ZBTB34: variants seen among roughly 807,000 people sequenced by gnomAD.
ZBTB34 encodes zinc finger and BTB domain containing 34, also known as zinc finger and BTB domain-containing protein 34.
A neutral mutation model predicts 33.4 loss-of-function variants in ZBTB34; 1 was observed. That is an observed-to-expected ratio of 0.03 (90% CI 0.01 to 0.14). ZBTB34 has a LOEUF of 0.14. ZBTB34 is among the 10% of genes least tolerant of loss of function. ZBTB34 has a pLI of 1.00. For missense variants in ZBTB34, 406 were observed against 657.2 expected (o/e 0.62, Z 4.18); for synonymous variants, 283 against 253.5 (o/e 1.12, Z -1.11).
At chr9:126,883,020 C>T (rs76698109) in exon 2 of ZBTB34, 2 of 166,870 alleles carry the variant, frequency 1.2e-5, no homozygotes, top group Non-Finnish European at 1.5e-5. Context: ...CCTTTTTCCT[C>T]GTCAAACTGC....
At chr9:126,867,270 A>C (rs1436312171) in intron 1 of ZBTB34, among the ~76,000 whole-genome samples, 1 of 151,894 alleles carries the variant, frequency 6.6e-6, no homozygotes, top group Non-Finnish European at 1.5e-5. Context: ...TGCCTTTTAC[A>C]TTTTGATAGA....
At chr9:126,882,938 C>T (rs917290094) in exon 2 of ZBTB34, 5 of 167,042 alleles carry the variant, frequency 3.0e-5, no homozygotes, top group African/African-American at 1.2e-4. Flanking sequence ...TCAGTGTTAA[C>T]TCCCTACAGA....
Position 126,880,846 on chromosome 9 carries a change from G to A in ZBTB34, c.1447G>A (p.Ala483Thr), listed in dbSNP as rs765061780. ...CGTGGAACAGAAACTAGAAAATGACGCATCGGCCTCAGAGATGGGCCTAGA... is the reference window on the plus strand; with the variant it reads ...CGTGGAACAGAAACTAGAAAATGACACATCGGCCTCAGAGATGGGCCTAGA... Residue 483 changes from alanine to threonine, a missense_variant, in exon 2 of 2, where the codon GCA becomes ACA. This residue lies in a region of ZBTB34 where 58 missense variants were observed against 58.7 expected (regional missense o/e 0.99). Coordinates refer to ENST00000319119, the Ensembl canonical transcript of ZBTB34. The surrounding 1 kb of genome is among the most constrained non-coding windows in gnomAD (Gnocchi z 6.7). 1.1e-5 allele frequency: 18 copies of A among 1,613,340 alleles called. No homozygotes were observed. The highest frequency in any genetic ancestry group is 7.7e-5 in the South Asian group (7 of 91,072).
chr9:126,878,640 G>T (rs2033393785), intron 1 of ZBTB34, among the ~76,000 whole-genome samples: 1 of 151,862 alleles, frequency 6.6e-6, no homozygotes, highest in African/African-American at 2.4e-5. Context: ...ATTGTATCCA[G>T]TGTGCTACAG....
chr9:126,881,058 C>A, exon 2 of ZBTB34: 2 of 947,742 alleles, frequency 2.1e-6, no homozygotes, highest in Non-Finnish European at 1.6e-6. Flanking sequence ...TGGAACACTT[C>A]GTTGTGTTTA....
intron 1 of ZBTB34, among the ~76,000 whole-genome samples, chr9:126,875,110 G>T (rs960421508): frequency 6.6e-6 from 1 of 152,174 alleles, no homozygotes; most frequent in African/African-American, 2.4e-5. Flanking sequence ...TGAGCGCATG[G>T]AATGTGGTTA....
At chr9:126,877,435 T>C (rs2033376912) in intron 1 of ZBTB34, among the ~76,000 whole-genome samples, 1 of 152,210 alleles carries the variant, frequency 6.6e-6, no homozygotes, top group Non-Finnish European at 1.5e-5. Flanking sequence ...CCATTTAGAT[T>C]TTTTTCTGAT....
Position 126,874,888 on chromosome 9 carries a change from A to T in ZBTB34, c.-10-4502A>T, listed in dbSNP as rs544434132. ...TCTGACCACTCCCCCATCGTGAAAG[A>T]TCTCATAGCTTTTATCATGGTTTAT... On this transcript the variant is annotated intron_variant, in intron 1 of 1. Transcript: ENST00000319119. Among the ~76,000 whole-genome samples the T allele has an allele frequency of 5.3e-5, 8 of 152,312 alleles. 2 individuals are homozygous for T. In the South Asian group the frequency reaches 1.7e-3, roughly 32 times the overall value.
rs755561826 is a variant in ZBTB34 at position 126,880,399 on chromosome 9, C to G, written c.1000C>G (p.Leu334Val). The stretch of plus-strand genomic sequence containing the variant: ...CCAGAAGCGGGCTTTGTCTGTCCAC[C>G]TGCACAGTGACCTGCAGGGCCTGGT... The change falls in exon 2 of 2, where the codon CTG becomes GTG. Residue 334 changes from leucine (L) to valine (V), a missense_variant. Physicochemically the swap from Leu to Val is conservative, Grantham distance 32. Around this residue, in one of 6 missense-constraint regions of ZBTB34, gnomAD observed 123 missense variants for 140.4 expected, o/e 0.88. Transcript: ENST00000319119. The surrounding 1 kb of genome is among the most constrained non-coding windows in gnomAD (Gnocchi z 6.7). The G allele has an allele frequency of 6.8e-6, 11 of 1,613,618 alleles. No individual in the cohort carries two copies. The South Asian group carries it at 1.1e-4, about 16-fold the overall frequency.
intron 1 of ZBTB34, among the ~76,000 whole-genome samples, chr9:126,874,036 CTTTTT>C (rs781115278): frequency 1.5e-5 from 1 of 66,068 alleles, no homozygotes; most frequent in South Asian, 5.9e-4. Context: ...TGTGTATGTT[CTTTTT>C]TTTTTTTTTT....
rs762194284 is a variant in ZBTB34 at position 126,880,277 on chromosome 9, C to T, written c.878C>T (p.Ala293Val). ...CACGCATACTCCTATTCCCAAGCAG[C>T]CTCACAGCCAACCAATGTATCAGAA... Residue 293 changes from alanine (A) to valine (V), a missense_variant, in exon 2 of 2, where the codon GCC (alanine) becomes GTC (valine). By Grantham distance (64) the Ala-to-Val change is moderately conservative. Transcript: ENST00000319119. The surrounding 1 kb of genome is among the most constrained non-coding windows in gnomAD (Gnocchi z 6.7). The T allele has an allele frequency of 3.1e-6, 5 of 1,613,966 alleles. No homozygotes were observed. The South Asian group carries it at 5.5e-5, about 18-fold the overall frequency.
At chr9:126,883,973 G>A in exon 2 of ZBTB34, 2 of 167,232 alleles carry the variant, frequency 1.2e-5, no homozygotes. Flanking sequence ...CGCAGACGAA[G>A]TACGCTGTGT....
intron 1 of ZBTB34, among the ~76,000 whole-genome samples, chr9:126,861,192 G>T (rs962512610): frequency 6.6e-6 from 1 of 152,204 alleles, no homozygotes; most frequent in South Asian, 2.1e-4. Context: ...GGCCCTTCGG[G>T]TGGCTGCCAC....
chr9:126,885,764 A>C (rs1253636439), exon 2 of ZBTB34: 2 of 167,238 alleles, frequency 1.2e-5, no homozygotes, highest in East Asian at 3.8e-4. Context: ...TGAATATTTC[A>C]GTGCTGCTTA....
chr9:126,866,859 AG>A (rs2033208697), intron 1 of ZBTB34, among the ~76,000 whole-genome samples: 1 of 152,152 alleles, frequency 6.6e-6, no homozygotes, highest in African/African-American at 2.4e-5. Context: ...CCCTCTCCTT[AG>A]TCCTTCCCCA....
intron 1 of ZBTB34, among the ~76,000 whole-genome samples, chr9:126,873,443 T>C (rs1219494378): frequency 6.6e-6 from 1 of 152,012 alleles, no homozygotes; most frequent in Non-Finnish European, 1.5e-5. Context: ...TTTGTATTTT[T>C]AGTAGAGACA....
At chr9:126,865,224 C>T (rs2033184928) in intron 1 of ZBTB34, among the ~76,000 whole-genome samples, 2 of 152,172 alleles carry the variant, frequency 1.3e-5, no homozygotes, top group Non-Finnish European at 2.9e-5. Context: ...CTGGGGTCTC[C>T]AGAAGGAAAA....
Position 126,879,408 on chromosome 9 carries a change from A to G in ZBTB34, c.9A>G (p.Val3=). 1.2e-6 allele frequency: 2 copies of G among 1,611,170 alleles called. No individual in the cohort carries two copies. Among genetic ancestry groups the G allele is most frequent in the South Asian group, 2.2e-5 (2 of 90,760 alleles). ...TCCGCAGAGTACGCTTCATGTCAGT[A>G]GAAATGGACAGCAGCAGTTTTATTC... Residue 3 remains valine (V), a synonymous_variant, in exon 2 of 2, where the codon GTA becomes GTG. Transcript: ENST00000319119. The surrounding 1 kb of genome is among the most constrained non-coding windows in gnomAD (Gnocchi z 6.4).
intron 1 of ZBTB34, among the ~76,000 whole-genome samples, chr9:126,868,761 G>A (rs1484079038): frequency 2.6e-5 from 4 of 152,174 alleles, no homozygotes; most frequent in Non-Finnish European, 2.9e-5. Flanking sequence ...CTTCTTGGCA[G>A]CATCTGCTCT....
Sources: gnomAD v4.1 joint callset for allele counts (sites outside exome capture counted in the v4.1 genomes callset) on GRCh38, gnomAD v4.1.1 for gene constraint, gnomAD v4.1.1 regional missense constraint, Gnocchi (gnomAD v3.1) non-coding constraint, MANE v1.5 for transcripts, NCBI Gene and HGNC (gene_info 2026-07-23, HGNC 2026-07-21) for gene names.